The following TLL1 variants were observed in gnomAD, a reference collection of about 807,000 sequenced individuals.
TLL1 encodes tolloid-like protein 1.
A neutral mutation model predicts 128.2 loss-of-function variants in TLL1; 49 were observed. The observed-to-expected ratio is 0.38, with a 90% CI of 0.30 to 0.48. The LOEUF (loss-of-function observed/expected upper bound fraction) is 0.48. TLL1 is among the 20% of genes least tolerant of loss of function. TLL1 has a pLI of 0.96. For missense variants in TLL1, 1,123 were observed against 1,242.0 expected (o/e 0.90, Z 1.44); for synonymous variants, 454 against 418.8 (o/e 1.08, Z -1.03).
chr4:166,037,280 G>A (rs1158561482), intron 9 of TLL1, among the ~76,000 whole-genome samples: 1 of 152,160 alleles, frequency 6.6e-6, no homozygotes, highest in Non-Finnish European at 1.5e-5. Context: ...GGTATTTAGA[G>A]ATGTAGGAGA....
At chr4:166,087,781 C>G (rs1479822613) in intron 18 of TLL1, among the ~76,000 whole-genome samples, 1 of 152,096 alleles carries the variant, frequency 6.6e-6, no homozygotes, top group African/African-American at 2.4e-5. Context: ...CAGGGGCCAG[C>G]CAGGTAGATT....
chr4:165,967,271 A>G (rs1314064173), intron 1 of TLL1, among the ~76,000 whole-genome samples: 1 of 152,188 alleles, frequency 6.6e-6, no homozygotes, highest in Non-Finnish European at 1.5e-5. Context: ...TCAAACACAC[A>G]TGCTCTACAA....
intron 1 of TLL1, among the ~76,000 whole-genome samples, chr4:165,920,685 T>C (rs1368719926): frequency 1.3e-5 from 2 of 152,218 alleles, no homozygotes; most frequent in African/African-American, 4.8e-5. Flanking sequence ...CCATTTTCAT[T>C]CTTATCAAAT....
chr4:165,923,555 T>A (rs923863564), intron 1 of TLL1, among the ~76,000 whole-genome samples: 52 of 149,810 alleles, frequency 3.5e-4, no homozygotes, highest in African/African-American at 1.2e-3. Context: ...CAGCCTCCTG[T>A]CCTGAGTAGC....
chr4:165,920,714 T>C (rs1373632879), intron 1 of TLL1, among the ~76,000 whole-genome samples: 1 of 152,192 alleles, frequency 6.6e-6, no homozygotes, highest in Non-Finnish European at 1.5e-5. Flanking sequence ...TCTAAATATC[T>C]TTTCAAATAT....
At chr4:166,092,041 AGACAG>A (rs1188875013) in intron 19 of TLL1, among the ~76,000 whole-genome samples, 1 of 23,800 alleles carries the variant, frequency 4.2e-5, no homozygotes, top group Non-Finnish European at 2.2e-4. Context: ...CATTCAGTTA[AGACAG>A]TATATCAGTT....
At chr4:166,047,445 T>A (rs544692352) in intron 12 of TLL1, among the ~76,000 whole-genome samples, 1 of 150,720 alleles carries the variant, frequency 6.6e-6, no homozygotes, top group East Asian at 1.9e-4. Flanking sequence ...ATTACAGGTA[T>A]GAGCCACCGC....
At chr4:165,982,070 A>G (rs889481947) in intron 1 of TLL1, among the ~76,000 whole-genome samples, 2 of 152,140 alleles carry the variant, frequency 1.3e-5, no homozygotes, top group Admixed American at 6.6e-5. Context: ...TATATTAAGC[A>G]AAGTGTAGAC....
intron 1 of TLL1, among the ~76,000 whole-genome samples, chr4:165,909,399 A>G (rs1343482825): frequency 6.6e-6 from 1 of 152,158 alleles, no homozygotes; most frequent in Non-Finnish European, 1.5e-5. Flanking sequence ...GAGAGTCATG[A>G]ATTTAGAAGC....
intron 1 of TLL1, among the ~76,000 whole-genome samples, chr4:165,982,049 A>G (rs902773113): frequency 2.0e-5 from 3 of 152,026 alleles, no homozygotes; most frequent in Non-Finnish European, 2.9e-5. Flanking sequence ...ATCAGTGCTA[A>G]CAGACTCTGC....
chr4:166,014,349 A>T, intron 7 of TLL1, 87 bp from the exon 8 acceptor site: 1 of 1,592,044 alleles, frequency 6.3e-7, no homozygotes, highest in Admixed American at 1.7e-5. Context: ...GATTGACTTG[A>T]GTTTGAAATA....
chr4:166,089,179 C>T (rs1264878787), intron 18 of TLL1, among the ~76,000 whole-genome samples: 1 of 152,088 alleles, frequency 6.6e-6, no homozygotes, highest in Admixed American at 6.6e-5. Context: ...TGTTTTTCCT[C>T]TTGAAATAAC....
intron 1 of TLL1, among the ~76,000 whole-genome samples, chr4:165,900,633 G>A (rs575255098): frequency 9.6e-4 from 146 of 152,102 alleles, no homozygotes; most frequent in Admixed American, 2.4e-3. Context: ...TCCCTTTGCG[G>A]ATAACCCGAT....
chr4:166,053,901 C>G (rs1739875623), intron 12 of TLL1, among the ~76,000 whole-genome samples: 1 of 152,070 alleles, frequency 6.6e-6, no homozygotes, highest in Non-Finnish European at 1.5e-5. Context: ...TTCTAGTGGT[C>G]AACTTCTGTG....
intron 9 of TLL1, among the ~76,000 whole-genome samples, chr4:166,031,672 G>GT (rs1337912133): frequency 1.3e-5 from 2 of 151,836 alleles, no homozygotes; most frequent in Non-Finnish European, 2.9e-5. Context: ...CCGGCTTTAA[G>GT]TTTTTTTGAT....
chr4:166,055,272 G>A lies in TLL1; in HGVS notation c.1720+1G>A. On this transcript the variant is annotated splice_donor_variant, in intron 13 of 20. Transcript: ENST00000061240. LOFTEE classifies it high-confidence loss of function. ...GGGTTTGCTGCTAACTTTTTTAAAG[G>A]TAATTTGAAATAATTTTCAAACGTG... 1 of 1,613,020 alleles carries A rather than the reference G, an allele frequency of 6.2e-7. No homozygotes were observed. The highest frequency in any genetic ancestry group is 8.5e-7 in the Non-Finnish European group (1 of 1,179,352).
chr4:166,007,972 C>G lies in TLL1; in HGVS notation c.841C>G (p.Pro281Ala). ...GQEYNFLKMEPGEVNSLGERY... is the reference protein window; with the variant it reads ...GQEYNFLKMEAGEVNSLGERY... ...AGAGTACAATTTTCTGAAGATGGAGCCTGGAGAAGTAAACTCACTTGGAGA... is the reference window on the plus strand; with the variant it reads ...AGAGTACAATTTTCTGAAGATGGAGGCTGGAGAAGTAAACTCACTTGGAGA... Residue 281 changes from proline to alanine, a missense_variant, in exon 7 of 21, where the codon CCT (proline) becomes GCT (alanine). Coordinates refer to ENST00000061240, the MANE Select transcript of TLL1 (RefSeq NM_012464.5). 2 of 1,609,452 alleles carry G rather than the reference C, an allele frequency of 1.2e-6. No homozygotes were observed. Among genetic ancestry groups the G allele is most frequent in the Non-Finnish European group, 1.7e-6 (2 of 1,176,586 alleles).
At chr4:165,994,909 T>C (rs1234365287) in intron 4 of TLL1, 152 bp from the exon 5 acceptor site, 2 of 690,552 alleles carry the variant, frequency 2.9e-6, no homozygotes, top group South Asian at 3.5e-5. Context: ...TTCTTAACAA[T>C]GACTCATTTG....
chr4:166,009,838 C>T lies in TLL1; in HGVS notation c.917+1790C>T, dbSNP rs1476228892. Among the ~76,000 whole-genome samples the T allele has an allele frequency of 2.6e-5, 4 of 151,070 alleles. No homozygotes were observed. The East Asian group carries it at 7.8e-4, about 29-fold the overall frequency. ...TTTTCAATTATGGAAAAACACAAAA[C>T]ATCAAATTTACTGTCCTAACCATTT... On this transcript the variant is annotated intron_variant, in intron 7 of 20. Transcript: ENST00000061240.
Sources: allele counts gnomAD v4.1 joint callset (sites outside exome capture counted in the v4.1 genomes callset), GRCh38; gene constraint gnomAD v4.1.1; transcripts MANE v1.5; gene names NCBI Gene and HGNC (gene_info 2026-07-23, HGNC 2026-07-21).